TENM4: variants seen among roughly 807,000 people sequenced by gnomAD.
TENM4 encodes teneurin transmembrane protein 4.
Under a neutral mutation model 243.3 loss-of-function variants are expected in TENM4, and 82 were observed. The observed-to-expected ratio is 0.34, with a 90% CI of 0.28 to 0.40. The LOEUF is 0.40. Ranked by LOEUF, TENM4 falls within the 10% of genes least tolerant of loss-of-function variation. TENM4 has a pLI of 1.00. For missense variants in TENM4, 3,138 were observed against 3,673.3 expected (o/e 0.85, Z 3.77); for synonymous variants, 1,412 against 1,456.3 (o/e 0.97, Z 0.69).
Position 79,438,796 on chromosome 11 carries a change from T to C in TENM4, c.-321+1713A>G, listed in dbSNP as rs1242709534. 6.6e-6 allele frequency among the ~76,000 whole-genome samples: 1 copy of C among 152,104 alleles called. No homozygotes were observed. The highest frequency in any genetic ancestry group is 1.5e-5 in the Non-Finnish European group (1 of 68,024). On this transcript the variant is annotated intron_variant, in intron 1 of 33. Coordinates refer to ENST00000278550, the MANE Select transcript of TENM4 (RefSeq NM_001098816.3). The surrounding 1 kb of genome is among the most constrained non-coding windows in gnomAD (Gnocchi z 4.1). ...CAATGAAACCTCAGTTCTGACTGAC[T>C]CCTCCTCTGCGATCAATTCCGGATG...
chr11:79,314,528 C>A (rs1330034528), intron 1 of TENM4, among the ~76,000 whole-genome samples: 1 of 152,196 alleles, frequency 6.6e-6, no homozygotes, highest in Admixed American at 6.5e-5. Flanking sequence ...CAGGGGAAAA[C>A]AAGATCTACC....
At chr11:79,215,687 C>A (rs1201847115) in intron 3 of TENM4, 121 bp downstream of exon 3, 30 of 875,518 alleles carry the variant, frequency 3.4e-5, no homozygotes, top group Non-Finnish European at 4.0e-5. Context: ...TCTATGCTGC[C>A]AAGTCGTAAA....
intron 12 of TENM4, among the ~76,000 whole-genome samples, chr11:78,820,559 G>A (rs1226002590): frequency 6.6e-6 from 1 of 152,204 alleles, no homozygotes; most frequent in Non-Finnish European, 1.5e-5. Context: ...GTTGGCCCAG[G>A]ACCTGGCAGA....
intron 4 of TENM4, among the ~76,000 whole-genome samples, chr11:79,126,579 G>T (rs1200304691): frequency 7.0e-6 from 1 of 142,420 alleles, no homozygotes; most frequent in Non-Finnish European, 1.6e-5. Flanking sequence ...ATTTATCATG[G>T]TGTTACTAGA....
chr11:78,669,090 G>A lies in TENM4; in HGVS notation c.7255C>T (p.Arg2419Ter). Residue 2419 changes from arginine (R) to a stop codon, truncating the protein, a stop_gained, in exon 32 of 34, where the codon CGA becomes TGA. Coordinates refer to ENST00000278550, the MANE Select transcript of TENM4 (RefSeq NM_001098816.3). LOFTEE classifies it high-confidence loss of function. This position sits in a 1 kb window ranked among gnomAD's most constrained non-coding sequence, Gnocchi z 6.4. ...CGTCCGGCCAGCACATCATAATCTCGCCGGCCCATGTGGACAAGCTTGGTG... is the reference window on the plus strand; with the variant it reads ...CGTCCGGCCAGCACATCATAATCTCACCGGCCCATGTGGACAAGCTTGGTG... ...PLTKLVHMGR[R>*]DYDVLAGRWT... 6.2e-7 allele frequency: 1 copy of A among 1,613,760 alleles called. No individual in the cohort carries two copies. The highest frequency in any genetic ancestry group is 8.5e-7 in the Non-Finnish European group (1 of 1,179,814).
chr11:79,138,169 G>T (rs1165472356), intron 4 of TENM4, among the ~76,000 whole-genome samples: 1 of 150,516 alleles, frequency 6.6e-6, no homozygotes, highest in African/African-American at 2.4e-5. Context: ...TTTCTCTCAT[G>T]CTGGATGCTT....
chr11:79,412,839 C>T (rs2175420), intron 1 of TENM4, among the ~76,000 whole-genome samples: 25,925 of 152,160 alleles, frequency 0.17, 2,342 homozygotes, highest in Middle Eastern at 0.2. Flanking sequence ...AACTCTGGAT[C>T]ACTGCAGCCT....
At chr11:78,852,747 T>G (rs1565406917) in intron 12 of TENM4, among the ~76,000 whole-genome samples, 1 of 151,908 alleles carries the variant, frequency 6.6e-6, no homozygotes, top group Non-Finnish European at 1.5e-5. Context: ...GATTCAGAGA[T>G]TTTTTGGGGT....
At chr11:79,169,697 C>T (rs1862996727) in intron 3 of TENM4, among the ~76,000 whole-genome samples, 1 of 152,118 alleles carries the variant, frequency 6.6e-6, no homozygotes, top group Non-Finnish European at 1.5e-5. Flanking sequence ...TCTGCTGTGG[C>T]CAGAGACTAG....
chr11:78,675,668 G>A (rs971350535), intron 30 of TENM4, among the ~76,000 whole-genome samples: 4 of 152,164 alleles, frequency 2.6e-5, no homozygotes. Flanking sequence ...TGTAGCTTAG[G>A]TTCTAAGTAG....
At chr11:79,197,056 T>C (rs995565521) in intron 3 of TENM4, among the ~76,000 whole-genome samples, 1 of 152,134 alleles carries the variant, frequency 6.6e-6, no homozygotes, top group Non-Finnish European at 1.5e-5. Context: ...GGGGCCCTTT[T>C]CCCCCATGCT....
intron 9 of TENM4, among the ~76,000 whole-genome samples, chr11:78,879,008 T>G (rs570065165): frequency 6.6e-6 from 1 of 152,080 alleles, no homozygotes; most frequent in East Asian, 1.9e-4. Context: ...CTGTGCACCA[T>G]CCCATCTGGG....
rs1184368508 is a variant in TENM4, at chr11:78,763,052, T to C, written c.2540-6031A>G. ...ATATATCATACGTAAGTTGGTTGAC[T>C]TATAAATTCTCTGTGTTTTGTATAT... On this transcript the variant is annotated intron_variant, in intron 18 of 33. Transcript: ENST00000278550. Among the ~76,000 whole-genome samples the C allele has an allele frequency of 1.2e-4, 18 of 152,350 alleles. No homozygotes were observed. The South Asian group carries it at 1.7e-3, about 14-fold the overall frequency.
At chr11:79,119,498 C>A (rs540777442) in intron 4 of TENM4, among the ~76,000 whole-genome samples, 1 of 152,168 alleles carries the variant, frequency 6.6e-6, no homozygotes, top group African/African-American at 2.4e-5. Flanking sequence ...TCAGAACTGG[C>A]TTTGCTCTCC....
intron 12 of TENM4, among the ~76,000 whole-genome samples, chr11:78,821,162 C>A (rs1307090013): frequency 1.3e-5 from 2 of 152,196 alleles, no homozygotes; most frequent in Non-Finnish European, 1.5e-5. Flanking sequence ...CTATTAAGAC[C>A]AGCTCTAAGG....
chr11:79,049,460 C>A (rs1458798190), intron 6 of TENM4, among the ~76,000 whole-genome samples: 1 of 152,284 alleles, frequency 6.6e-6, no homozygotes, highest in Middle Eastern at 3.4e-3. Flanking sequence ...TCTGCTAGGG[C>A]CGCTCACTAA....
chr11:79,425,017 G>C (rs1590957518), intron 1 of TENM4, among the ~76,000 whole-genome samples: 1 of 152,196 alleles, frequency 6.6e-6, no homozygotes, highest in Admixed American at 6.5e-5. Context: ...ACTTAGGTCA[G>C]TCTGACTCTT....
At chr11:79,057,632 G>A (rs1290854332) in intron 6 of TENM4, among the ~76,000 whole-genome samples, 1 of 152,136 alleles carries the variant, frequency 6.6e-6, no homozygotes, top group Admixed American at 6.5e-5. Context: ...TTTCCCACTA[G>A]AATGTATCTC....
At chr11:78,900,006 C>G (rs560292401) in intron 7 of TENM4, among the ~76,000 whole-genome samples, 5 of 152,340 alleles carry the variant, frequency 3.3e-5, no homozygotes, top group Non-Finnish European at 7.3e-5. Context: ...GCCATCCCCC[C>G]ACAAGATGTC....
Sources: gnomAD v4.1 joint callset for allele counts (sites outside exome capture counted in the v4.1 genomes callset) on GRCh38, gnomAD v4.1.1 for gene constraint, Gnocchi (gnomAD v3.1) non-coding constraint, MANE v1.5 for transcripts, NCBI Gene and HGNC (gene_info 2026-07-23, HGNC 2026-07-21) for gene names.